The following SNX9 variants were observed in gnomAD, a reference collection of about 807,000 sequenced individuals.
The protein encoded by SNX9 is sorting nexin 9, also known as sorting nexin-9.
In SNX9, 44 loss-of-function variants were observed where a neutral mutation model predicts 89.4. The observed-to-expected ratio is 0.49, with a 90% CI of 0.39 to 0.63. The LOEUF is 0.63. SNX9 is among the 30% of genes least tolerant of loss of function. SNX9 has a pLI of 0.00. For synonymous variants in SNX9, 236 were observed against 247.8 expected, an observed-to-expected ratio of 0.95 and a Z score of 0.45; for missense variants, 578 against 736.1, an observed-to-expected ratio of 0.79 and a Z score of 2.49.
chr6:157,928,684 T>G lies in SNX9; in HGVS notation c.1270T>G (p.Trp424Gly), dbSNP rs1783745171. 2.5e-6 allele frequency: 4 copies of G among 1,605,188 alleles called. No individual in the cohort carries two copies. Among genetic ancestry groups the G allele is most frequent in the Non-Finnish European group, 3.4e-6 (4 of 1,176,126 alleles). ...GCTGCTGACGGTGGGGCAGGAGCACTGGAAGCGCTGCACGGGCCGTAAGTC... is the reference window on the plus strand; with the variant it reads ...GCTGCTGACGGTGGGGCAGGAGCACGGGAAGCGCTGCACGGGCCGTAAGTC... ...KELLTVGQEH[W>G]KRCTGPLPKE... The change falls in exon 12 of 18, where the codon TGG (tryptophan) becomes GGG (glycine). Residue 424 changes from tryptophan to glycine, a missense_variant. Physicochemically the swap from Trp to Gly is radical, Grantham distance 184. This residue lies in a region of SNX9 where 348 missense variants were observed against 491.4 expected (regional missense o/e 0.71). Transcript: ENST00000392185.
At chr6:157,901,805 A>G in intron 5 of SNX9, 93 bp from the exon 6 acceptor site, 3 of 1,463,998 alleles carry the variant, frequency 2.0e-6, no homozygotes, top group Non-Finnish European at 2.8e-6. Flanking sequence ...TGATTTGCCC[A>G]GTAGGTAGTT....
chr6:157,872,338 A>G (rs1311956423), intron 2 of SNX9, among the ~76,000 whole-genome samples: 1 of 152,180 alleles, frequency 6.6e-6, no homozygotes, highest in African/African-American at 2.4e-5. Context: ...TATTAATATT[A>G]TTTATCCAGA....
At chr6:157,869,945 T>C (rs909699206) in intron 2 of SNX9, among the ~76,000 whole-genome samples, 1 of 151,768 alleles carries the variant, frequency 6.6e-6, no homozygotes, top group African/African-American at 2.4e-5. Flanking sequence ...TCATACACTT[T>C]ACATACTCTT....
chr6:157,902,199 T>C (rs1783119259), intron 6 of SNX9, among the ~76,000 whole-genome samples, 154 bp downstream of exon 6: 1 of 146,700 alleles, frequency 6.8e-6, no homozygotes, highest in Admixed American at 6.7e-5. Context: ...GGATCTTAAC[T>C]GAGAAGCTTA....
chr6:157,918,222 T>C (rs1783514127), intron 9 of SNX9, among the ~76,000 whole-genome samples: 2 of 152,178 alleles, frequency 1.3e-5, no homozygotes, highest in Admixed American at 6.5e-5. Flanking sequence ...TTTAACATTA[T>C]GATTAGTGGA....
At chr6:157,829,149 A>T (rs1397574788) in intron 1 of SNX9, 1 of 152,050 alleles carries the variant, frequency 6.6e-6, no homozygotes, top group African/African-American at 2.4e-5. Flanking sequence ...GGTATTGGCA[A>T]TTATATTTTT....
chr6:157,898,773 A>G (rs954821916), intron 5 of SNX9, among the ~76,000 whole-genome samples: 2 of 152,206 alleles, frequency 1.3e-5, no homozygotes, highest in African/African-American at 4.8e-5. Flanking sequence ...CAAGAATTGA[A>G]TGTCTGTTCT....
At chr6:157,837,012 G>T (rs1781597539) in intron 1 of SNX9, among the ~76,000 whole-genome samples, 1 of 152,240 alleles carries the variant, frequency 6.6e-6, no homozygotes, top group African/African-American at 2.4e-5. Context: ...TTCTGTCCTT[G>T]GTTGGTCCCT....
chr6:157,877,283 G>GT (rs1299391905), intron 4 of SNX9, among the ~76,000 whole-genome samples: 4 of 151,722 alleles, frequency 2.6e-5, no homozygotes, highest in Non-Finnish European at 5.9e-5. Flanking sequence ...AAAAAAAGCG[G>GT]GGGGGGCATC....
chr6:157,909,263 A>C (rs1302563298), intron 7 of SNX9, among the ~76,000 whole-genome samples: 2 of 152,224 alleles, frequency 1.3e-5, no homozygotes, highest in African/African-American at 2.4e-5. Context: ...ATTGTTGAAA[A>C]ATCAAAATGT....
chr6:157,943,667 T>C lies in SNX9; in HGVS notation c.*829T>C, dbSNP rs941474162. 2 of 152,442 alleles carry C rather than the reference T, an allele frequency of 1.3e-5. No individual in the cohort carries two copies. Among genetic ancestry groups the C allele is most frequent in the Non-Finnish European group, 2.9e-5 (2 of 68,166 alleles). 9.4% of individuals were successfully genotyped at this position (152,442 alleles called of 1,614,324 possible). A position where few individuals can be genotyped will look rare whatever the true frequency, so the allele number is the denominator to read the frequency against. ...GAATTGAGGGACTTTGTAGAGAATT[T>C]TGTGGCTTTGGTCCAACGGGTGAGT... On this transcript the variant is annotated 3_prime_UTR_variant, in exon 18 of 18. Transcript: ENST00000392185.
chr6:157,940,412 CTTGTT>C (rs922071284), intron 16 of SNX9, among the ~76,000 whole-genome samples: 121 of 152,260 alleles, frequency 7.9e-4, no homozygotes, highest in African/African-American at 2.7e-3. Flanking sequence ...TTGTCATTAG[CTTGTT>C]TTGTTTTGTT....
chr6:157,823,412 C>A lies in SNX9; in HGVS notation c.-23C>A. 7.9e-7 allele frequency: 1 copy of A among 1,260,754 alleles called. No homozygotes were observed. Among genetic ancestry groups the A allele is most frequent in the Non-Finnish European group, 1.0e-6 (1 of 998,538 alleles). The allele number at this position is 1,260,754 out of a possible 1,614,324, so 78.1% of individuals were successfully genotyped here. A position where few individuals can be genotyped will look rare whatever the true frequency, so the allele number is the denominator to read the frequency against. On this transcript the variant is annotated 5_prime_UTR_variant, in exon 1 of 18. Coordinates refer to ENST00000392185, the MANE Select transcript of SNX9 (RefSeq NM_016224.5). This position sits in a 1 kb window ranked among gnomAD's most constrained non-coding sequence, Gnocchi z 4.6. ...CGGCGCGGGAGACGAGCCGGCCGTCCCGGGCCGGGGGACCCGCCCGCCATG... is the reference window on the plus strand; with the variant it reads ...CGGCGCGGGAGACGAGCCGGCCGTCACGGGCCGGGGGACCCGCCCGCCATG...
chr6:157,934,279 T>C (rs548845696), intron 13 of SNX9: 5 of 152,152 alleles, frequency 3.3e-5, no homozygotes, highest in Admixed American at 6.5e-5. Flanking sequence ...TATGGAAATA[T>C]AAGCAATAAA....
chr6:157,901,853 T>C, intron 5 of SNX9, 45 bp from the exon 6 acceptor site: 1 of 1,538,966 alleles, frequency 6.5e-7, no homozygotes. Context: ...TTTATTTTGG[T>C]CTTTTTTTTT....
chr6:157,876,973 T>G (rs1349461087), intron 4 of SNX9, among the ~76,000 whole-genome samples: 2 of 152,220 alleles, frequency 1.3e-5, no homozygotes, highest in Admixed American at 1.3e-4. Flanking sequence ...ACCCATGAAA[T>G]GGGTTTGCAT....
At chr6:157,868,720 A>G (rs1562599254) in intron 2 of SNX9, among the ~76,000 whole-genome samples, 2 of 152,254 alleles carry the variant, frequency 1.3e-5, no homozygotes, top group African/African-American at 4.8e-5. Context: ...ATCATTTGAA[A>G]TAATGTAACA....
intron 4 of SNX9, among the ~76,000 whole-genome samples, chr6:157,882,007 G>A (rs1250788306): frequency 6.6e-6 from 1 of 152,204 alleles, no homozygotes; most frequent in Non-Finnish European, 1.5e-5. Context: ...TCTATTATTG[G>A]AAGAAGATGC....
chr6:157,831,226 T>C (rs1781472632), intron 1 of SNX9, among the ~76,000 whole-genome samples: 1 of 152,028 alleles, frequency 6.6e-6, no homozygotes, highest in Non-Finnish European at 1.5e-5. Flanking sequence ...TGATTTGATT[T>C]TTCCTTGAGT....
Sources: gnomAD v4.1 joint callset for allele counts (sites outside exome capture counted in the v4.1 genomes callset) on GRCh38, gnomAD v4.1.1 for gene constraint, gnomAD v4.1.1 regional missense constraint, Gnocchi (gnomAD v3.1) non-coding constraint, MANE v1.5 for transcripts, NCBI Gene and HGNC (gene_info 2026-07-23, HGNC 2026-07-21) for gene names.